Variants in CADM2 observed in about 807,000 individuals in gnomAD.
The protein encoded by CADM2 is immunoglobulin superfamily member 4D.
CADM2 carries 12 observed loss-of-function variants against 49.8 expected under a neutral mutation model. The observed-to-expected ratio is 0.24, with a 90% confidence interval of 0.15 to 0.39. The LOEUF is 0.39. CADM2 is among the 10% of genes least tolerant of loss of function. CADM2 has a pLI of 1.00. For missense variants in CADM2, 378 were observed against 492.3 expected (o/e 0.77, Z 2.20); for synonymous variants, 214 against 175.4 (o/e 1.22, Z -1.74).
chr3:85,628,021 T>G (rs890959265), intron 1 of CADM2, among the ~76,000 whole-genome samples: 4 of 152,036 alleles, frequency 2.6e-5, no homozygotes, highest in African/African-American at 9.7e-5. Flanking sequence ...TGGAGTTGTT[T>G]GAGTGTTGGG....
chr3:85,380,042 T>G (rs1437627575), intron 1 of CADM2, among the ~76,000 whole-genome samples: 1 of 152,078 alleles, frequency 6.6e-6, no homozygotes, highest in Non-Finnish European at 1.5e-5. Flanking sequence ...GCAAAGAGTT[T>G]GATATCTTTT....
intron 7 of CADM2, among the ~76,000 whole-genome samples, chr3:85,939,507 TG>T (rs1721588356): frequency 1.7e-5 from 1 of 59,308 alleles, no homozygotes; most frequent in African/African-American, 6.8e-5. Flanking sequence ...ACACACAACA[TG>T]AAACCTTTAT....
intron 3 of CADM2, among the ~76,000 whole-genome samples, chr3:85,879,392 A>AG (rs1210795959): frequency 6.6e-6 from 1 of 152,152 alleles, no homozygotes; most frequent in Non-Finnish European, 1.5e-5. Context: ...ATGACAGCAA[A>AG]GGGGATACAA....
intron 1 of CADM2, among the ~76,000 whole-genome samples, chr3:85,062,993 G>A (rs901569846): frequency 6.6e-6 from 1 of 151,904 alleles, no homozygotes; most frequent in Admixed American, 6.6e-5. Flanking sequence ...AAAAGTGGAA[G>A]TTGAATCAGT....
chr3:85,703,470 C>A (rs948314212), intron 1 of CADM2, among the ~76,000 whole-genome samples: 1 of 152,096 alleles, frequency 6.6e-6, no homozygotes, highest in African/African-American at 2.4e-5. Flanking sequence ...CTCATCCTCA[C>A]AAGGGCAAAT....
intron 1 of CADM2, among the ~76,000 whole-genome samples, chr3:85,557,820 C>T (rs899040749): frequency 6.6e-6 from 1 of 151,990 alleles, no homozygotes; most frequent in African/African-American, 2.4e-5. Flanking sequence ...ATCCTGTGCC[C>T]TATGTGCCAT....
At chr3:85,314,648 TACTC>T (rs1465473814) in intron 1 of CADM2, among the ~76,000 whole-genome samples, 3 of 152,170 alleles carry the variant, frequency 2.0e-5, no homozygotes, top group South Asian at 2.1e-4. Flanking sequence ...TGATACCTCT[TACTC>T]AATAAATAAA....
At chr3:85,520,308 T>C (rs1362962619) in intron 1 of CADM2, among the ~76,000 whole-genome samples, 1 of 151,796 alleles carries the variant, frequency 6.6e-6, no homozygotes, top group African/African-American at 2.4e-5. Flanking sequence ...GTATATAAAA[T>C]ATTTATTTTA....
intron 1 of CADM2, among the ~76,000 whole-genome samples, chr3:85,190,321 T>G (rs1020271608): frequency 1.3e-5 from 2 of 152,110 alleles, no homozygotes; most frequent in African/African-American, 4.8e-5. Context: ...GGCTATGTCA[T>G]TCCCCCCTTA....
At chr3:85,733,000 G>T (rs1377206451) in intron 2 of CADM2, among the ~76,000 whole-genome samples, 1 of 152,152 alleles carries the variant, frequency 6.6e-6, no homozygotes, top group African/African-American at 2.4e-5. Context: ...GTAGGGTTGG[G>T]AGTAGGGATA....
chr3:85,002,278 CT>C (rs2033501959), intron 1 of CADM2, among the ~76,000 whole-genome samples: 1 of 151,944 alleles, frequency 6.6e-6, no homozygotes, highest in African/African-American at 2.4e-5. Context: ...TCCTTCTTTA[CT>C]TTTGTGGTGT....
intron 8 of CADM2, among the ~76,000 whole-genome samples, chr3:86,040,325 A>C (rs999001352): frequency 1.3e-5 from 2 of 152,160 alleles, no homozygotes; most frequent in Non-Finnish European, 2.9e-5. Flanking sequence ...AAAGAACTTA[A>C]AAACCTTGAA....
intron 1 of CADM2, among the ~76,000 whole-genome samples, chr3:85,212,803 C>G (rs774969163): frequency 4.3e-5 from 5 of 115,274 alleles, no homozygotes; most frequent in Non-Finnish European, 1.0e-4. Context: ...ATATTTTCTT[C>G]TTTTTCTTCT....
rs9842732 is a variant in CADM2, at chr3:86,071,443, C to G, written c.*4660C>G. ...GAGAGTTAAAGGGGACAACATATAA[C>G]AATGGGTTCTAAAATCATCAGCATT... On this transcript the variant is annotated 3_prime_UTR_variant, in exon 10 of 10. Transcript: ENST00000383699. The G allele has an allele frequency of 0.24, 36,471 of 151,550 alleles. 4,748 individuals carry two copies. The highest frequency in any genetic ancestry group is 0.33 in the African/African-American group (13,753 of 41,370). The allele number at this position is 151,550 out of a possible 1,614,324, so 9.4% of individuals were successfully genotyped here.
At chr3:85,905,013 A>C (rs1437224564) in intron 5 of CADM2, among the ~76,000 whole-genome samples, 1 of 152,150 alleles carries the variant, frequency 6.6e-6, no homozygotes, top group Non-Finnish European at 1.5e-5. Context: ...TTATATGGAA[A>C]AATGTTTATG....
At chr3:85,379,476 T>A (rs769643383) in intron 1 of CADM2, among the ~76,000 whole-genome samples, 16 of 152,126 alleles carry the variant, frequency 1.1e-4, no homozygotes, top group Non-Finnish European at 1.5e-4. Flanking sequence ...TGAGACTGGT[T>A]TTTAGGCTTG....
intron 8 of CADM2, among the ~76,000 whole-genome samples, chr3:86,039,654 G>C (rs556782205): frequency 3.9e-5 from 6 of 152,242 alleles, no homozygotes; most frequent in East Asian, 1.9e-4. Flanking sequence ...TCCACCTCTG[G>C]GGGGAGGGCA....
At chr3:85,977,656 C>T (rs1726960255) in intron 8 of CADM2, among the ~76,000 whole-genome samples, 1 of 151,524 alleles carries the variant, frequency 6.6e-6, no homozygotes, top group African/African-American at 2.4e-5. Flanking sequence ...GTATCTTTGT[C>T]CATATACATA....
chr3:85,109,081 ATG>A (rs1334692918), intron 1 of CADM2, among the ~76,000 whole-genome samples: 1 of 152,048 alleles, frequency 6.6e-6, no homozygotes, highest in African/African-American at 2.4e-5. Flanking sequence ...TGATGAAATA[ATG>A]TGCTAGGTTT....
Sources: allele counts gnomAD v4.1 joint callset (sites outside exome capture counted in the v4.1 genomes callset), GRCh38; gene constraint gnomAD v4.1.1; transcripts MANE v1.5; gene names NCBI Gene and HGNC (gene_info 2026-07-23, HGNC 2026-07-21).